Variants in DCAF16 observed in about 807,000 individuals in gnomAD.
DCAF16 encodes the protein DDB1- and CUL4-associated factor 16.
In DCAF16, 10 loss-of-function variants were observed where a neutral mutation model predicts 17.3. That is an observed-to-expected ratio of 0.58 (90% CI 0.36 to 0.98). The LOEUF (loss-of-function observed/expected upper bound fraction) is 0.98, where lower values mean the gene tolerates loss of function less well. Among genes scored for constraint, DCAF16 ranks in the 50% least tolerant of loss-of-function variants. The pLI, the probability that DCAF16 is intolerant of heterozygous loss-of-function variation, is 0.01. For missense variants in DCAF16, 249 were observed against 247.6 expected (o/e 1.01, Z -0.04); for synonymous variants, 111 against 92.8 (o/e 1.20, Z -1.12).
chr4:17,800,504 C>T (rs1017835572), downstream of DCAF16, among the ~76,000 whole-genome samples: 2 of 152,206 alleles, frequency 1.3e-5, no homozygotes, highest in South Asian at 2.1e-4. Context: ...TGTGTTTCTT[C>T]TCTAGAGACG....
Position 17,803,698 on chromosome 4 carries a change from G to A in DCAF16, c.444C>T (p.Ala148=), listed in dbSNP as rs141522824. The A allele has an allele frequency of 3.1e-6, 5 of 1,614,198 alleles. No homozygotes were observed. In the East Asian group the frequency reaches 1.1e-4, roughly 36 times the overall value. Residue 148 remains alanine (A), a synonymous_variant, in exon 3 of 3, where the codon GCC becomes GCT. Coordinates refer to ENST00000382247, the MANE Select transcript of DCAF16 (RefSeq NM_017741.4). The part of the protein sequence containing the change: ...HATLNGALQF[A]TKQLSRTLSR... ...TCAATGTTCGGCTTAGCTGTTTGGT[G>A]GCAAATTGCAGTGCTCCATTTAGAG...
At chr4:17,796,930 G>A (rs930545869), downstream of DCAF16, among the ~76,000 whole-genome samples, 2 of 152,130 alleles carry the variant, frequency 1.3e-5, no homozygotes, top group African/African-American at 4.8e-5. Flanking sequence ...GGTCAACTAT[G>A]TGTGAGCCTT....
At chr4:17,804,893 T>C (rs1006510916) in intron 2 of DCAF16, 122 bp from the exon 3 acceptor site, 5 of 158,240 alleles carry the variant, frequency 3.2e-5, no homozygotes, top group African/African-American at 1.2e-4. Flanking sequence ...CCTCTCTATC[T>C]CACAGACTTA....
chr4:17,804,259 C>T lies in DCAF16; in HGVS notation c.-118G>A, dbSNP rs1720101157. The T allele has an allele frequency of 2.3e-6, 2 of 861,106 alleles. No individual in the cohort carries two copies. The highest frequency in any genetic ancestry group is 3.6e-6 in the Non-Finnish European group (2 of 554,546). The allele number at this position is 861,106 out of a possible 1,614,324, so 53.3% of individuals were successfully genotyped here. A position where few individuals can be genotyped will look rare whatever the true frequency, so the allele number is the denominator to read the frequency against. On this transcript the variant is annotated 5_prime_UTR_variant, in exon 3 of 3. Coordinates refer to ENST00000382247, the MANE Select transcript of DCAF16 (RefSeq NM_017741.4). Reference sequence around the variant, plus strand: ...AATCCTTTCACCAAGATTAATTTGTCTTTCAGTCCGTTACACACATAAAGT... The same window carrying T: ...AATCCTTTCACCAAGATTAATTTGTTTTTCAGTCCGTTACACACATAAAGT...
chr4:17,807,066 A>G (rs1453923455), intron 1 of DCAF16, among the ~76,000 whole-genome samples: 2 of 152,234 alleles, frequency 1.3e-5, no homozygotes, highest in Non-Finnish European at 2.9e-5. Context: ...ATACATATAC[A>G]TATAATGACA....
At chr4:17,799,766 T>C (rs1417631520), downstream of DCAF16, among the ~76,000 whole-genome samples, 1 of 152,150 alleles carries the variant, frequency 6.6e-6, no homozygotes, top group Non-Finnish European at 1.5e-5. Context: ...CATGCATGTA[T>C]GGATTTTTTT....
chr4:17,805,989 G>A (rs1334357719), intron 1 of DCAF16, among the ~76,000 whole-genome samples: 2 of 152,100 alleles, frequency 1.3e-5, no homozygotes, highest in African/African-American at 4.8e-5. Context: ...ACAGCAAAAA[G>A]TGAAATTAGC....
chr4:17,808,506 T>G (rs1577322691), intron 1 of DCAF16, among the ~76,000 whole-genome samples: 1 of 152,206 alleles, frequency 6.6e-6, no homozygotes, highest in Non-Finnish European at 1.5e-5. Flanking sequence ...CAGTATACTA[T>G]GTTGTTTAAA....
chr4:17,795,245 A>AT, the DCAF16 span, among the ~76,000 whole-genome samples: 1 of 152,222 alleles, frequency 6.6e-6, no homozygotes, highest in Non-Finnish European at 1.5e-5. Flanking sequence ...TCTAAATGCC[A>AT]TTTTGAAAAC....
chr4:17,797,624 T>TA (rs1719488805), downstream of DCAF16, among the ~76,000 whole-genome samples: 1 of 152,312 alleles, frequency 6.6e-6, no homozygotes, highest in South Asian at 2.1e-4. Context: ...ATTCAGAAAT[T>TA]AGAGTTCTTC....
the DCAF16 span, among the ~76,000 whole-genome samples, chr4:17,795,027 G>C: frequency 6.6e-6 from 1 of 152,074 alleles, no homozygotes; most frequent in Non-Finnish European, 1.5e-5. Flanking sequence ...CCTCATTTTG[G>C]TAAAGCACAT....
the DCAF16 span, among the ~76,000 whole-genome samples, chr4:17,795,518 G>T: frequency 1.3e-5 from 2 of 151,886 alleles, no homozygotes; most frequent in Non-Finnish European, 2.9e-5. Flanking sequence ...ATCTTATTCA[G>T]GTTTAAGTTT....
In DCAF16 at chr4:17,802,947, G is replaced by C. The variant is rs1298046021; in HGVS notation, c.*544C>G. The C allele has an allele frequency of 6.5e-6, 1 of 153,334 alleles. No homozygotes were observed. The highest frequency in any genetic ancestry group is 1.5e-5 in the Non-Finnish European group (1 of 68,958). The allele number at this position is 153,334 out of a possible 1,614,324, so 9.5% of individuals were successfully genotyped here. A position where few individuals can be genotyped will look rare whatever the true frequency, so the allele number is the denominator to read the frequency against. On this transcript the variant is annotated 3_prime_UTR_variant, in exon 3 of 3. Transcript: ENST00000382247. ...CATTAAAGCCATTCAGAAAGGCAGAGTAAATTGGGGTGGGGAGGGTGAGAA... is the reference window on the plus strand; with the variant it reads ...CATTAAAGCCATTCAGAAAGGCAGACTAAATTGGGGTGGGGAGGGTGAGAA...
At position 17,804,763 on chromosome 4, in the gene DCAF16, A is replaced by G. The variant is rs1720152350; in HGVS notation, c.-622T>C. The G allele has an allele frequency of 5.9e-6, 1 of 168,136 alleles. No individual in the cohort carries two copies. Among genetic ancestry groups the G allele is most frequent in the South Asian group, 2.1e-4 (1 of 4,858 alleles). The allele number at this position is 168,136 out of a possible 1,614,324, so 10.4% of individuals were successfully genotyped here. On this transcript the variant is annotated 5_prime_UTR_variant, in exon 3 of 3. Coordinates refer to ENST00000382247, the MANE Select transcript of DCAF16 (RefSeq NM_017741.4). ...CTGGAAAGGTAGCCTTAACCTGTGA[A>G]TGAGAAGACTAGAGACATGATATTA...
downstream of DCAF16, among the ~76,000 whole-genome samples, chr4:17,795,964 G>A (rs1719408107): frequency 6.6e-6 from 1 of 152,182 alleles, no homozygotes; most frequent in South Asian, 2.1e-4. Context: ...CTGTAGCCAG[G>A]TGGAGAAAAG....
rs1328971117 is a variant in DCAF16, at chr4:17,803,345, A to G, written c.*146T>C. 1.5e-5 allele frequency: 11 copies of G among 757,382 alleles called. No homozygotes were observed. Among genetic ancestry groups the G allele is most frequent in the Non-Finnish European group, 2.4e-5 (11 of 456,502 alleles). 46.9% of individuals were successfully genotyped at this position (757,382 alleles called of 1,614,324 possible). A position where few individuals can be genotyped will look rare whatever the true frequency, so the allele number is the denominator to read the frequency against. On this transcript the variant is annotated 3_prime_UTR_variant, in exon 3 of 3. Coordinates refer to ENST00000382247, the MANE Select transcript of DCAF16 (RefSeq NM_017741.4). The stretch of plus-strand genomic sequence containing the variant: ...TGACCTTGATATTATCATTTTATCC[A>G]CAGGGTTTGTCAAAGGGTATCCTCA...
Position 17,804,226 on chromosome 4 carries a change from A to G in DCAF16, c.-85T>C. The G allele has an allele frequency of 3.4e-6, 4 of 1,176,654 alleles. No homozygotes were observed. The highest frequency in any genetic ancestry group is 4.8e-6 in the Non-Finnish European group (4 of 828,466). The allele number at this position is 1,176,654 out of a possible 1,614,324, so 72.9% of individuals were successfully genotyped here. ...ACTAACACTGGCAAATAGAAATAAGAGATGAAAAATCCTTTCACCAAGATT... is the reference window on the plus strand; with the variant it reads ...ACTAACACTGGCAAATAGAAATAAGGGATGAAAAATCCTTTCACCAAGATT... On this transcript the variant is annotated 5_prime_UTR_variant, in exon 3 of 3. Coordinates refer to ENST00000382247, the MANE Select transcript of DCAF16 (RefSeq NM_017741.4).
At chr4:17,799,875 C>A (rs1719615593), downstream of DCAF16, among the ~76,000 whole-genome samples, 1 of 152,020 alleles carries the variant, frequency 6.6e-6, no homozygotes, top group African/African-American at 2.4e-5. Flanking sequence ...TATGGCTGGG[C>A]ACGGTGGCTC....
intron 1 of DCAF16, among the ~76,000 whole-genome samples, chr4:17,807,915 A>G (rs2286540): frequency 0.13 from 20,152 of 152,202 alleles, 1,475 homozygotes; most frequent in South Asian, 0.24. Flanking sequence ...TCTAATGAGT[A>G]TTTCTCTGGC....
Sources: gnomAD v4.1 joint callset for allele counts (sites outside exome capture counted in the v4.1 genomes callset) on GRCh38, gnomAD v4.1.1 for gene constraint, MANE v1.5 for transcripts, NCBI Gene and HGNC (gene_info 2026-07-23, HGNC 2026-07-21) for gene names.